The following FHOD3 variants were observed in gnomAD, a reference collection of about 807,000 sequenced individuals.
FHOD3 encodes the protein FH1/FH2 domain-containing protein 3.
A neutral mutation model predicts 173.0 loss-of-function variants in FHOD3; 90 were observed. That is an observed-to-expected ratio of 0.52 (90% CI 0.44 to 0.62). FHOD3 has a LOEUF of 0.62. Ranked by LOEUF, FHOD3 falls within the 20% of genes least tolerant of loss-of-function variation. The probability of loss-of-function intolerance (pLI) is 0.00; values close to 1 mark genes in which losing one functional copy is unlikely to be tolerated. For synonymous variants in FHOD3, 828 were observed against 823.0 expected (o/e 1.01, Z -0.10); for missense variants, 1,945 against 2,034.7 (o/e 0.96, Z 0.85).
chr18:36,643,363 A>T (rs74882503), intron 10 of FHOD3, among the ~76,000 whole-genome samples: 3,976 of 152,062 alleles, frequency 0.026, 185 homozygotes, highest in African/African-American at 0.092. Flanking sequence ...CTAGATGCCA[A>T]TAGCATTCCC....
intron 3 of FHOD3, among the ~76,000 whole-genome samples, chr18:36,473,084 T>C (rs1434296643): frequency 6.6e-6 from 1 of 152,228 alleles, no homozygotes; most frequent in Non-Finnish European, 1.5e-5. Context: ...TAATCTTGGC[T>C]ACTCCATGTG....
intron 10 of FHOD3, among the ~76,000 whole-genome samples, chr18:36,646,163 A>G (rs1464515477): frequency 3.9e-5 from 6 of 152,210 alleles, no homozygotes; most frequent in African/African-American, 1.2e-4. Flanking sequence ...GAGGAAGTCT[A>G]AAAGAAGCTC....
rs1203795922 is a variant in FHOD3 at position 36,425,342 on chromosome 18, A to G, written c.337+52598A>G. 2.0e-5 allele frequency among the ~76,000 whole-genome samples: 3 copies of G among 152,360 alleles called. No homozygotes were observed. In the East Asian group the frequency reaches 5.8e-4, roughly 29 times the overall value. The stretch of plus-strand genomic sequence containing the variant: ...TCTTGGAATACATTCCCATGGATAA[A>G]GAGGGACCGCTATATTATAGTTAAG... On this transcript the variant is annotated intron_variant, in intron 3 of 28. Transcript: ENST00000590592.
At chr18:36,621,754 A>G (rs2148747869) in intron 9 of FHOD3, among the ~76,000 whole-genome samples, 1 of 152,336 alleles carries the variant, frequency 6.6e-6, no homozygotes, top group East Asian at 1.9e-4. Context: ...GTGTTTGAGA[A>G]TTTCCACAGT....
At chr18:36,700,117 T>C (rs1298427731) in intron 17 of FHOD3, among the ~76,000 whole-genome samples, 11 of 152,190 alleles carry the variant, frequency 7.2e-5, no homozygotes, top group Non-Finnish European at 1.0e-4. Flanking sequence ...TTTTCTGAAG[T>C]TCCTCTCCAG....
intron 24 of FHOD3, among the ~76,000 whole-genome samples, chr18:36,750,740 G>A (rs1366205118): frequency 6.6e-6 from 1 of 152,200 alleles, no homozygotes; most frequent in Non-Finnish European, 1.5e-5. Flanking sequence ...ATTGAATAGA[G>A]AGTCTTTTCC....
intron 5 of FHOD3, among the ~76,000 whole-genome samples, chr18:36,542,495 C>A (rs946070215): frequency 1.3e-5 from 2 of 152,078 alleles, no homozygotes; most frequent in Non-Finnish European, 2.9e-5. Context: ...ATTGAGTATT[C>A]TGTATTAGGT....
At chr18:36,698,655 G>A (rs1055345774) in intron 17 of FHOD3, among the ~76,000 whole-genome samples, 2 of 152,138 alleles carry the variant, frequency 1.3e-5, no homozygotes, top group African/African-American at 2.4e-5. Flanking sequence ...GCAGCTATTA[G>A]GTGTCAAGAG....
intron 17 of FHOD3, among the ~76,000 whole-genome samples, chr18:36,700,790 A>AG (rs1555810975): frequency 2.6e-5 from 4 of 151,772 alleles, no homozygotes; most frequent in African/African-American, 9.7e-5. Context: ...CACCACAGCC[A>AG]CCCCCCAACA....
chr18:36,710,198 T>C (rs1037501274), intron 18 of FHOD3: 2 of 152,236 alleles, frequency 1.3e-5, no homozygotes, highest in South Asian at 2.1e-4. Context: ...GAATAATTCA[T>C]ATGATCTGTG....
At chr18:36,583,320 G>A (rs1303875632) in intron 6 of FHOD3, among the ~76,000 whole-genome samples, 1 of 152,160 alleles carries the variant, frequency 6.6e-6, no homozygotes, top group Non-Finnish European at 1.5e-5. Context: ...CCATCCTTGG[G>A]GTGGGTTGCT....
chr18:36,452,685 G>C (rs8086613), intron 3 of FHOD3, among the ~76,000 whole-genome samples: 6,492 of 152,204 alleles, frequency 0.043, 423 homozygotes, highest in African/African-American at 0.15. Flanking sequence ...TAGAGGTGGA[G>C]TCAGGCAGTG....
chr18:36,324,118 C>T (rs749605834), intron 1 of FHOD3, among the ~76,000 whole-genome samples: 43 of 152,200 alleles, frequency 2.8e-4, no homozygotes, highest in Admixed American at 1.5e-3. Flanking sequence ...TAGCCACACA[C>T]ATGCAATGGG....
chr18:36,405,780 G>A (rs2049025741), intron 3 of FHOD3, among the ~76,000 whole-genome samples: 1 of 152,220 alleles, frequency 6.6e-6, no homozygotes, highest in African/African-American at 2.4e-5. Context: ...TCCACATGGA[G>A]GAATAAGTCT....
intron 3 of FHOD3, among the ~76,000 whole-genome samples, chr18:36,469,991 T>C (rs1046440016): frequency 6.6e-6 from 1 of 152,204 alleles, no homozygotes; most frequent in Non-Finnish European, 1.5e-5. Context: ...CCGGTTCCTG[T>C]TCTTCATCAA....
At chr18:36,351,044 T>A (rs1598803765) in intron 1 of FHOD3, among the ~76,000 whole-genome samples, 1 of 152,132 alleles carries the variant, frequency 6.6e-6, no homozygotes, top group Non-Finnish European at 1.5e-5. Flanking sequence ...GTGTCTCGGG[T>A]GTAATGATGG....
chr18:36,453,511 G>T (rs559452722), intron 3 of FHOD3, among the ~76,000 whole-genome samples: 1 of 152,342 alleles, frequency 6.6e-6, no homozygotes, highest in Non-Finnish European at 1.5e-5. Context: ...CGTGCTCTGC[G>T]CAATGCAGCC....
At chr18:36,621,315 A>C (rs2033686473) in intron 9 of FHOD3, among the ~76,000 whole-genome samples, 1 of 152,224 alleles carries the variant, frequency 6.6e-6, no homozygotes, top group Non-Finnish European at 1.5e-5. Context: ...CATAGGTGAT[A>C]GGAAGTATGT....
At chr18:36,369,440 AACACACACACACACACACACACAC>A (rs59109469) in intron 2 of FHOD3, among the ~76,000 whole-genome samples, 42 of 94,220 alleles carry the variant, frequency 4.5e-4, no homozygotes, top group African/African-American at 8.8e-4. Flanking sequence ...ATTTTATTTA[AACACACACACACACACACACACAC>A]ACACACACAC....
Sources: allele counts gnomAD v4.1 joint callset (sites outside exome capture counted in the v4.1 genomes callset), GRCh38; gene constraint gnomAD v4.1.1; transcripts MANE v1.5; gene names NCBI Gene and HGNC (gene_info 2026-07-23, HGNC 2026-07-21).